The following APLF variants were observed in gnomAD, a reference collection of about 807,000 sequenced individuals.
APLF encodes the protein aprataxin and PNK-like factor.
APLF carries 61 observed loss-of-function variants against 55.6 expected under a neutral mutation model. That is an observed-to-expected ratio of 1.10 (90% CI 0.89 to 1.36). APLF has a LOEUF of 1.36. Ranked by LOEUF, APLF falls within the 40% of genes most tolerant of loss-of-function variation. APLF has a pLI of 0.00. For missense variants in APLF, 611 were observed against 602.5 expected, an observed-to-expected ratio of 1.01 and a Z score of -0.15; for synonymous variants, 207 against 214.8, an observed-to-expected ratio of 0.96 and a Z score of 0.32.
chr2:68,473,775 A>G (rs1006370233), intron 1 of APLF, among the ~76,000 whole-genome samples: 2 of 152,192 alleles, frequency 1.3e-5, no homozygotes, highest in Non-Finnish European at 2.9e-5. Flanking sequence ...AGCAGTCAAC[A>G]CAGAAGACTC....
intron 5 of APLF, among the ~76,000 whole-genome samples, chr2:68,525,378 T>C (rs1383436800): frequency 6.6e-6 from 1 of 152,100 alleles, no homozygotes; most frequent in Non-Finnish European, 1.5e-5. Flanking sequence ...TAAAGTTCAT[T>C]GGATAGCTAT....
intron 5 of APLF, among the ~76,000 whole-genome samples, chr2:68,517,494 AAT>A (rs1327019878): frequency 9.9e-5 from 14 of 140,730 alleles, no homozygotes; most frequent in East Asian, 2.1e-4. Context: ...TTAATATATC[AAT>A]ATGTTATCAC....
intron 8 of APLF, among the ~76,000 whole-genome samples, chr2:68,559,105 A>G (rs1002793950): frequency 6.6e-6 from 1 of 152,194 alleles, no homozygotes; most frequent in Non-Finnish European, 1.5e-5. Context: ...CTAATTCTGT[A>G]GCATGACTTT....
At chr2:68,575,745 G>C (rs927664775) in intron 9 of APLF, among the ~76,000 whole-genome samples, 3 of 152,046 alleles carry the variant, frequency 2.0e-5, no homozygotes, top group African/African-American at 7.2e-5. Flanking sequence ...ATATATTCAA[G>C]ACTGATAAAT....
chr2:68,540,561 T>C (rs1338568770), intron 7 of APLF, among the ~76,000 whole-genome samples: 1 of 152,136 alleles, frequency 6.6e-6, no homozygotes, highest in East Asian at 1.9e-4. Flanking sequence ...ATATTTCTGG[T>C]TCTAGGTCCT....
rs374614929 is a variant in APLF, at chr2:68,577,881, C to T, written c.1395C>T (p.Asn465=). 9 of 1,613,136 alleles carry T rather than the reference C, an allele frequency of 5.6e-6. No homozygotes were observed. The highest frequency in any genetic ancestry group is 2.2e-5 in the East Asian group (1 of 44,814). The change falls in exon 10 of 10, where the codon AAC becomes AAT. Residue 465 remains asparagine (N), a synonymous_variant. Coordinates refer to ENST00000303795, the MANE Select transcript of APLF (RefSeq NM_173545.3). ...GGCAACCCAATGAGTATGACCTGAA[C>T]GACAGCTTTCTAGATGATGAGGAAG... is the stretch of plus-strand genomic sequence containing the variant. ...NVGQPNEYDL[N]DSFLDDEEED...
At chr2:68,467,989 T>C (rs1300990500) in intron 1 of APLF, among the ~76,000 whole-genome samples, 162 bp downstream of exon 1, 1 of 152,244 alleles carries the variant, frequency 6.6e-6, no homozygotes, top group Admixed American at 6.5e-5. Flanking sequence ...TTTAAGCCAA[T>C]TCACAAACAT....
intron 9 of APLF, 46 bp downstream of exon 9, chr2:68,567,433 A>G (rs1348730079): frequency 3.5e-6 from 5 of 1,412,398 alleles, no homozygotes; most frequent in African/African-American, 3.0e-5. Context: ...CCTTTAAATG[A>G]TTTTCCTATT....
intron 8 of APLF, among the ~76,000 whole-genome samples, chr2:68,549,368 C>A (rs1196987493): frequency 6.6e-6 from 1 of 151,946 alleles, no homozygotes; most frequent in Non-Finnish European, 1.5e-5. Flanking sequence ...TTGCCTGGTC[C>A]TTTGAATATT....
At chr2:68,496,320 G>A (rs1363633250) in intron 2 of APLF, among the ~76,000 whole-genome samples, 1 of 152,064 alleles carries the variant, frequency 6.6e-6, no homozygotes, top group Non-Finnish European at 1.5e-5. Flanking sequence ...AGCCAGCCTG[G>A]TCTCAAGCTC....
intron 1 of APLF, among the ~76,000 whole-genome samples, chr2:68,483,044 T>C (rs984262242): frequency 6.6e-6 from 1 of 152,002 alleles, no homozygotes; most frequent in African/African-American, 2.4e-5. Flanking sequence ...TTACAGTCCT[T>C]CATGTGGTCT....
At chr2:68,517,017 AATAAT>A (rs1417247977) in intron 5 of APLF, among the ~76,000 whole-genome samples, 2 of 123,540 alleles carry the variant, frequency 1.6e-5, no homozygotes, top group African/African-American at 6.4e-5. Flanking sequence ...TATAATATAT[AATAAT>A]ATATTAATAT....
At chr2:68,564,258 A>G (rs566927678) in intron 8 of APLF, among the ~76,000 whole-genome samples, 1 of 152,196 alleles carries the variant, frequency 6.6e-6, no homozygotes, top group East Asian at 1.9e-4. Flanking sequence ...TGTACAGCTT[A>G]TTTTATTTTC....
At chr2:68,520,586 T>C (rs1669869891) in intron 5 of APLF, among the ~76,000 whole-genome samples, 1 of 151,884 alleles carries the variant, frequency 6.6e-6, no homozygotes, top group South Asian at 2.1e-4. Flanking sequence ...TTTCCCTACT[T>C]TATATTTCTG....
intron 2 of APLF, among the ~76,000 whole-genome samples, chr2:68,499,879 C>T (rs1256413871): frequency 6.6e-6 from 1 of 152,018 alleles, no homozygotes; most frequent in African/African-American, 2.4e-5. Context: ...ACAGGCTGCA[C>T]ATACATACAC....
intron 7 of APLF, among the ~76,000 whole-genome samples, chr2:68,544,179 G>T (rs1046443615): frequency 6.6e-6 from 1 of 151,808 alleles, no homozygotes; most frequent in Non-Finnish European, 1.5e-5. Context: ...GGGTTTCACC[G>T]TGTTGGCCAG....
intron 6 of APLF, chr2:68,535,309 C>G (rs1670356598): frequency 2.3e-6 from 1 of 438,932 alleles, no homozygotes; most frequent in African/African-American, 2.1e-5. Flanking sequence ...ATGGAAGTAT[C>G]AGAAGCATTT....
chr2:68,493,144 A>C (rs1293054585), intron 2 of APLF, among the ~76,000 whole-genome samples: 1 of 152,196 alleles, frequency 6.6e-6, no homozygotes, highest in Non-Finnish European at 1.5e-5. Flanking sequence ...AGTTACAACT[A>C]ATTGATGATC....
intron 8 of APLF, among the ~76,000 whole-genome samples, chr2:68,559,204 G>A (rs1180579103): frequency 6.6e-6 from 1 of 152,110 alleles, no homozygotes; most frequent in East Asian, 1.9e-4. Context: ...GGGGGGTCTT[G>A]ATTCACTGTG....
Sources: gnomAD v4.1 joint callset for allele counts (sites outside exome capture counted in the v4.1 genomes callset) on GRCh38, gnomAD v4.1.1 for gene constraint, MANE v1.5 for transcripts, NCBI Gene and HGNC (gene_info 2026-07-23, HGNC 2026-07-21) for gene names.